MOV10L1: variants seen among roughly 807,000 people sequenced by gnomAD.
MOV10L1 encodes the protein RNA helicase Mov10l1.
Under a neutral mutation model 143.8 loss-of-function variants are expected in MOV10L1, and 110 were observed. That is an observed-to-expected ratio of 0.76 (90% CI 0.66 to 0.90). The LOEUF (loss-of-function observed/expected upper bound fraction) is 0.90, where lower values mean the gene tolerates loss of function less well. MOV10L1 is among the 40% of genes least tolerant of loss of function. MOV10L1 has a pLI of 0.00. For missense variants in MOV10L1, 1,406 were observed against 1,526.8 expected, an observed-to-expected ratio of 0.92 and a Z score of 1.32; for synonymous variants, 593 against 581.1, an observed-to-expected ratio of 1.02 and a Z score of -0.29.
intron 22 of MOV10L1, 53 bp downstream of exon 22, chr22:50,153,271 C>A: frequency 6.5e-7 from 1 of 1,540,584 alleles, no homozygotes; most frequent in Non-Finnish European, 8.8e-7. Context: ...GACAGTATGG[C>A]AGGAGGTCCT....
intron 1 of MOV10L1, 115 bp downstream of exon 1, chr22:50,090,300 C>T (rs1324681190): frequency 8.2e-6 from 12 of 1,454,570 alleles, no homozygotes; most frequent in Admixed American, 7.8e-5. Context: ...ACGCTGGGCC[C>T]GGCCTTTCCT....
At chr22:50,133,144 T>C (rs1051489788) in intron 13 of MOV10L1, among the ~76,000 whole-genome samples, 2 of 152,172 alleles carry the variant, frequency 1.3e-5, no homozygotes, top group Non-Finnish European at 2.9e-5. Flanking sequence ...CAGTGTGGAA[T>C]AGAAGTGGTG....
intron 5 of MOV10L1, among the ~76,000 whole-genome samples, chr22:50,111,518 C>A (rs569377164): frequency 4.3e-5 from 4 of 92,048 alleles, no homozygotes; most frequent in African/African-American, 1.3e-4. Flanking sequence ...TTTTTTGAGA[C>A]GTTGAGATGG....
intron 22 of MOV10L1, among the ~76,000 whole-genome samples, chr22:50,154,767 T>G (rs1051087902): frequency 6.6e-6 from 1 of 152,262 alleles, no homozygotes; most frequent in Non-Finnish European, 1.5e-5. Context: ...CTGTGTTTCA[T>G]GCATATAATT....
At chr22:50,090,380 G>T in intron 1 of MOV10L1, 195 bp downstream of exon 1, 1 of 1,544,014 alleles carries the variant, frequency 6.5e-7, no homozygotes, top group Non-Finnish European at 8.7e-7. Context: ...GCCGCTCTGG[G>T]CGCCCGTCCT....
At chr22:50,090,613 G>A in intron 1 of MOV10L1, 1 of 1,465,508 alleles carries the variant, frequency 6.8e-7, no homozygotes. Context: ...TGGTTTTCAA[G>A]CCCATCTTTC....
intron 3 of MOV10L1, among the ~76,000 whole-genome samples, chr22:50,104,347 T>C (rs1271082308): frequency 6.6e-6 from 1 of 152,196 alleles, no homozygotes; most frequent in Non-Finnish European, 1.5e-5. Flanking sequence ...TGTCCAGCCT[T>C]GTTCTTGGTG....
chr22:50,125,310 G>T, intron 10 of MOV10L1, 82 bp from the exon 11 acceptor site: 1 of 1,403,814 alleles, frequency 7.1e-7, no homozygotes, highest in Non-Finnish European at 9.9e-7. Context: ...TGGAGCTGTT[G>T]GAACTTTCCT....
At chr22:50,149,814 G>T in intron 20 of MOV10L1, 100 bp downstream of exon 20, 1 of 1,128,106 alleles carries the variant, frequency 8.9e-7, no homozygotes, top group South Asian at 1.5e-5. Flanking sequence ...CTGTACAGGG[G>T]TCAGGTGGAA....
At chr22:50,160,918 G>T in intron 25 of MOV10L1, 46 bp from the exon 26 acceptor site, 4 of 1,612,874 alleles carry the variant, frequency 2.5e-6, no homozygotes, top group Non-Finnish European at 3.4e-6. Context: ...AGGAGACATG[G>T]GGCCTTCACT....
intron 2 of MOV10L1, among the ~76,000 whole-genome samples, chr22:50,099,092 G>A (rs183689356): frequency 1.5e-3 from 221 of 152,320 alleles, no homozygotes; most frequent in Admixed American, 5.5e-3. Context: ...TTGCATCAGT[G>A]TTCATAAGGG....
Position 50,144,185 on chromosome 22 carries a change from G to A in MOV10L1, c.2447G>A (p.Ser816Asn). The A allele has an allele frequency of 6.2e-7, 1 of 1,613,172 alleles. No individual in the cohort carries two copies. The highest frequency in any genetic ancestry group is 8.5e-7 in the Non-Finnish European group (1 of 1,179,202). ...ADLVCLRLHESKVLQPATMVR... is the reference protein window; with the variant it reads ...ADLVCLRLHENKVLQPATMVR... ...CTCGTGTGTCTGCGGCTGCACGAGA[G>A]CAAGGTGCTACAGCCGGCCACCATG... Residue 816 changes from serine to asparagine, a missense_variant, in exon 18 of 27, where the codon AGC becomes AAC. Coordinates refer to ENST00000262794, the MANE Select transcript of MOV10L1 (RefSeq NM_018995.3).
intron 26 of MOV10L1, 63 bp downstream of exon 26, chr22:50,161,118 TC>T (rs1407882124): frequency 6.8e-7 from 1 of 1,481,472 alleles, no homozygotes; most frequent in Admixed American, 1.7e-5. Flanking sequence ...TAGCCTGCCC[TC>T]CCCTGCTCCC....
At chr22:50,146,614 G>A (rs1241861875) in intron 19 of MOV10L1, among the ~76,000 whole-genome samples, 3 of 151,968 alleles carry the variant, frequency 2.0e-5, no homozygotes, top group African/African-American at 7.3e-5. Flanking sequence ...GAGACAGGTC[G>A]CTCTGAACAG....
intron 3 of MOV10L1, among the ~76,000 whole-genome samples, chr22:50,105,383 A>G (rs976780455): frequency 4.6e-5 from 7 of 152,140 alleles, no homozygotes; most frequent in Admixed American, 1.3e-4. Context: ...CCCTTACACA[A>G]TGTCAGCTTG....
chr22:50,130,444 G>T (rs1222017195), intron 13 of MOV10L1, among the ~76,000 whole-genome samples: 1 of 152,172 alleles, frequency 6.6e-6, no homozygotes, highest in Non-Finnish European at 1.5e-5. Context: ...TATTGAGAAT[G>T]AATGAATGGA....
intron 10 of MOV10L1, among the ~76,000 whole-genome samples, chr22:50,121,968 T>C (rs931356188): frequency 1.3e-5 from 2 of 152,208 alleles, no homozygotes; most frequent in South Asian, 2.1e-4. Context: ...GAATTTTTTT[T>C]CCCCAGAGAC....
In MOV10L1 at chr22:50,108,197, G is replaced by C. The variant is rs749637993; in HGVS notation, c.504G>C (p.Trp168Cys). ...EAEYRIRPGTWSSEATSVKPL... is the reference protein window; with the variant it reads ...EAEYRIRPGTCSSEATSVKPL... The stretch of plus-strand genomic sequence containing the variant: ...AGTACCGGATCCGGCCTGGCACGTG[G>C]AGCAGCGAAGCCACCTCAGTGAAGC... The change falls in exon 4 of 27, where the codon TGG becomes TGC. Residue 168 changes from tryptophan to cysteine, a missense_variant. Trp to Cys is a radical substitution (Grantham distance 215). Transcript: ENST00000262794. 3.7e-6 allele frequency: 6 copies of C among 1,614,122 alleles called. No individual in the cohort carries two copies. Among genetic ancestry groups the C allele is most frequent in the Non-Finnish European group, 5.1e-6 (6 of 1,180,026 alleles).
At chr22:50,149,165 A>G (rs2063229312) in intron 19 of MOV10L1, among the ~76,000 whole-genome samples, 1 of 152,198 alleles carries the variant, frequency 6.6e-6, no homozygotes, top group South Asian at 2.1e-4. Context: ...CGGCCAGTTC[A>G]GCTGCTCTCA....
Sources: allele counts gnomAD v4.1 joint callset (sites outside exome capture counted in the v4.1 genomes callset), GRCh38; gene constraint gnomAD v4.1.1; transcripts MANE v1.5; gene names NCBI Gene and HGNC (gene_info 2026-07-23, HGNC 2026-07-21).